Variants in AGT observed in about 807,000 individuals in gnomAD.
AGT encodes the protein alpha-1 antiproteinase, antitrypsin.
In AGT, 26 loss-of-function variants were observed where a neutral mutation model predicts 28.1. The observed-to-expected ratio is 0.92, with a 90% CI of 0.68 to 1.28. The LOEUF (loss-of-function observed/expected upper bound fraction) is 1.28, where lower values mean the gene tolerates loss of function less well. Among genes scored for constraint, AGT ranks in the 50% most tolerant of loss-of-function variants. The pLI is 0.00. For synonymous variants in AGT, 259 were observed against 259.6 expected, an observed-to-expected ratio of 1.00 and a Z score of 0.02; for missense variants, 596 against 592.3, an observed-to-expected ratio of 1.01 and a Z score of -0.06.
chr1:230,703,079 G>T lies in AGT; in HGVS notation c.*62C>A. 1 of 1,568,624 alleles carries T rather than the reference G, an allele frequency of 6.4e-7. No homozygotes were observed. The highest frequency in any genetic ancestry group is 1.1e-5 in the South Asian group (1 of 89,894). Reference sequence around the variant, plus strand: ...TGTCCGGGGTTGTTATCTGCTGCTGGCCTTTGCCTCAAAGGCCAGGGGCAG... The same window carrying T: ...TGTCCGGGGTTGTTATCTGCTGCTGTCCTTTGCCTCAAAGGCCAGGGGCAG... On this transcript the variant is annotated 3_prime_UTR_variant, in exon 5 of 5. Transcript: ENST00000366667.
At chr1:230,711,953 A>G (rs1174935578) in intron 1 of AGT, among the ~76,000 whole-genome samples, 2 of 152,164 alleles carry the variant, frequency 1.3e-5, no homozygotes, top group Non-Finnish European at 2.9e-5. Context: ...CTCAGCTGCT[A>G]CAAATGAAAG....
chr1:230,745,070 G>A (rs933723355), intron 1 of AGT, among the ~76,000 whole-genome samples: 11 of 152,202 alleles, frequency 7.2e-5, no homozygotes, highest in Non-Finnish European at 1.5e-4. Flanking sequence ...CTCTAGCCAA[G>A]AATCATTTGG....
At chr1:230,709,499 C>T (rs1025941309) in intron 2 of AGT, among the ~76,000 whole-genome samples, 2 of 151,546 alleles carry the variant, frequency 1.3e-5, no homozygotes. Context: ...CCCCTCCTAA[C>T]ATGAAAGGGA....
Position 230,710,780 on chromosome 1 carries a change from A to G in AGT, c.44T>C (p.Leu15Pro). Reference protein sequence around the residue: ...GVSLRATILCLLAWAGLAAGD... With the variant: ...GVSLRATILCPLAWAGLAAGD... ...TGCAGCCAGGCCAGCCCAGGCCAGG[A>G]GGCAGAGGATGGTGGCCCTCAGGCT... is the stretch of plus-strand genomic sequence containing the variant. The change falls in exon 2 of 5, where the codon CTC (leucine) becomes CCC (proline). Residue 15 changes from leucine to proline, a missense_variant. Coordinates refer to ENST00000366667, the MANE Select transcript of AGT (RefSeq NM_001384479.1). 6.2e-7 allele frequency: 1 copy of G among 1,614,184 alleles called. No homozygotes were observed. The highest frequency in any genetic ancestry group is 8.5e-7 in the Non-Finnish European group (1 of 1,180,024).
intron 1 of AGT, among the ~76,000 whole-genome samples, chr1:230,720,223 G>A (rs771178420): frequency 6.6e-6 from 1 of 152,146 alleles, no homozygotes; most frequent in Non-Finnish European, 1.5e-5. Flanking sequence ...AGTTGGCCAT[G>A]GTGGTTCCAA....
At chr1:230,715,882 G>A (rs6683321), upstream of AGT, among the ~76,000 whole-genome samples, 24,412 of 152,060 alleles carry the variant, frequency 0.16, 2,067 homozygotes, top group Admixed American at 0.18. Context: ...CTCCTGCCTC[G>A]GGCCCTTGGA....
chr1:230,713,110 C>T (rs994924756), intron 1 of AGT, among the ~76,000 whole-genome samples: 5 of 152,194 alleles, frequency 3.3e-5, no homozygotes, highest in African/African-American at 1.2e-4. Context: ...TCAACTCTCT[C>T]ATCCAGCTCC....
chr1:230,723,212 T>C (rs979093971), intron 1 of AGT, among the ~76,000 whole-genome samples: 2 of 152,136 alleles, frequency 1.3e-5, no homozygotes, highest in African/African-American at 2.4e-5. Flanking sequence ...CCTTCCACCA[T>C]CATTGTAAGT....
At chr1:230,729,354 G>A (rs568790170) in intron 1 of AGT, among the ~76,000 whole-genome samples, 10 of 152,284 alleles carry the variant, frequency 6.6e-5, no homozygotes, top group South Asian at 6.2e-4. Flanking sequence ...TAATTCTCCC[G>A]GTTGAAAATG....
At chr1:230,708,184 A>G (rs1049901750) in intron 2 of AGT, among the ~76,000 whole-genome samples, 2 of 152,164 alleles carry the variant, frequency 1.3e-5, no homozygotes, top group Non-Finnish European at 2.9e-5. Context: ...GAGGCCGGCG[A>G]GGATCCTGGG....
chr1:230,702,700 T>A lies in AGT; in HGVS notation c.*441A>T, dbSNP rs1383579618. On this transcript the variant is annotated 3_prime_UTR_variant, in exon 5 of 5. Coordinates refer to ENST00000366667, the MANE Select transcript of AGT (RefSeq NM_001384479.1). ...CAGACACTACACGGAGGTCATGTTC[T>A]TACATTCAAGACACTAAATACAAAC... is the stretch of plus-strand genomic sequence containing the variant. 4.9e-6 allele frequency: 1 copy of A among 204,604 alleles called. No homozygotes were observed. The highest frequency in any genetic ancestry group is 2.3e-5 in the African/African-American group (1 of 43,602). 12.7% of individuals were successfully genotyped at this position (204,604 alleles called of 1,614,324 possible).
chr1:230,732,075 C>T (rs10864776), intron 1 of AGT, among the ~76,000 whole-genome samples: 21,794 of 152,104 alleles, frequency 0.14, 1,708 homozygotes, highest in South Asian at 0.21. Context: ...TGCACCACCC[C>T]TATCTTCTCT....
At chr1:230,707,013 T>G (rs1382776763) in intron 2 of AGT, among the ~76,000 whole-genome samples, 1 of 152,148 alleles carries the variant, frequency 6.6e-6, no homozygotes, top group Non-Finnish European at 1.5e-5. Flanking sequence ...AAACGAGGGC[T>G]CCATTCCTCA....
intron 1 of AGT, among the ~76,000 whole-genome samples, chr1:230,739,761 G>C (rs1172346807): frequency 6.6e-6 from 1 of 152,114 alleles, no homozygotes; most frequent in Non-Finnish European, 1.5e-5. Context: ...GGCAGGTTTG[G>C]TAAGATTCAC....
rs267598410 is a variant in AGT, at chr1:230,703,170, G to A, written c.1402C>T (p.Arg468Cys). The A allele has an allele frequency of 9.3e-6, 15 of 1,613,894 alleles. No homozygotes were observed. Among genetic ancestry groups the A allele is most frequent in the South Asian group, 6.6e-5 (6 of 91,074 alleles). ...QSATALHFLG[R>C]VANPLSTA is the part of the protein sequence containing the mutation. Reference sequence around the variant, plus strand: ...GCTGTGCTCAGCGGGTTGGCCACGCGGCCCAGGAAGTGCAGGGCAGTGGCG... The same window carrying A: ...GCTGTGCTCAGCGGGTTGGCCACGCAGCCCAGGAAGTGCAGGGCAGTGGCG... The change falls in exon 5 of 5, where the codon CGC becomes TGC. Residue 468 changes from arginine (R) to cysteine (C), a missense_variant. By Grantham distance (180) the Arg-to-Cys change is radical. Coordinates refer to ENST00000366667, the MANE Select transcript of AGT (RefSeq NM_001384479.1).
chr1:230,711,499 T>C (rs751644697), intron 1 of AGT, among the ~76,000 whole-genome samples: 20 of 152,142 alleles, frequency 1.3e-4, no homozygotes, highest in Non-Finnish European at 8.8e-5. Context: ...CTGTAAGTTC[T>C]CTTCCTAGAG....
At chr1:230,727,144 T>G (rs1239371650) in intron 1 of AGT, among the ~76,000 whole-genome samples, 1 of 151,734 alleles carries the variant, frequency 6.6e-6, no homozygotes, top group Non-Finnish European at 1.5e-5. Context: ...ACACCAGGAG[T>G]GCTCAGGGAT....
chr1:230,718,077 T>G (rs190331558), upstream of AGT, among the ~76,000 whole-genome samples: 2 of 152,278 alleles, frequency 1.3e-5, no homozygotes, highest in Admixed American at 6.5e-5. Context: ...TAACTAGGAC[T>G]ACAGGTGCAT....
At chr1:230,723,407 T>A (rs1663882823) in intron 1 of AGT, among the ~76,000 whole-genome samples, 1 of 152,236 alleles carries the variant, frequency 6.6e-6, no homozygotes, top group African/African-American at 2.4e-5. Flanking sequence ...CAGAAGAACA[T>A]TATTCAAGAA....
Sources: allele counts gnomAD v4.1 joint callset (sites outside exome capture counted in the v4.1 genomes callset), GRCh38; gene constraint gnomAD v4.1.1; transcripts MANE v1.5; gene names NCBI Gene and HGNC (gene_info 2026-07-23, HGNC 2026-07-21).